The following EPG5 variants were observed in gnomAD, a reference collection of about 807,000 sequenced individuals.
EPG5 encodes ectopic P granules protein 5 homolog.
A neutral mutation model predicts 302.7 loss-of-function variants in EPG5; 159 were observed. The ratio of observed to expected loss-of-function variants is 0.53; its 90% CI spans 0.46 to 0.60. The LOEUF is 0.60. EPG5 is among the 20% of genes least tolerant of loss of function. The pLI, the probability that EPG5 is intolerant of heterozygous loss-of-function variation, is 0.00. For missense variants in EPG5, 2,896 were observed against 3,092.4 expected, an observed-to-expected ratio of 0.94 and a Z score of 1.51; for synonymous variants, 1,158 against 1,136.8, an observed-to-expected ratio of 1.02 and a Z score of -0.37.
At chr18:45,965,137 G>A (rs892921142) in intron 1 of EPG5, among the ~76,000 whole-genome samples, 12 of 151,996 alleles carry the variant, frequency 7.9e-5, no homozygotes, top group African/African-American at 4.8e-5. Context: ...GAACAAAATC[G>A]TGTCCCCTGC....
the EPG5 span, among the ~76,000 whole-genome samples, chr18:45,834,496 G>A: frequency 2.0e-5 from 3 of 152,228 alleles, no homozygotes; most frequent in African/African-American, 4.8e-5. Context: ...CTGTAGGAAA[G>A]ACTCAGTGGA....
In EPG5 at chr18:45,917,807, G is replaced by A. The variant is rs749530881; in HGVS notation, c.3111C>T (p.Phe1037=). The A allele has an allele frequency of 3.1e-6, 5 of 1,614,092 alleles. No homozygotes were observed. The South Asian group carries it at 5.5e-5, about 18-fold the overall frequency. The change falls in exon 17 of 44, where the codon TTC becomes TTT. Residue 1037 remains phenylalanine, a synonymous_variant. Transcript: ENST00000282041. ...CCAATAGTGGGATGCCTTCTGCACAGAACTTCTCAATGCTATGGAAAAAGA... is the reference window on the plus strand; with the variant it reads ...CCAATAGTGGGATGCCTTCTGCACAAAACTTCTCAATGCTATGGAAAAAGA... The part of the protein sequence containing the change: ...MTAVGHSIEK[F]CAEGIPLLGI...
chr18:45,946,821 C>T (rs1372623508), intron 6 of EPG5, 53 bp from the exon 7 acceptor site: 2 of 1,376,766 alleles, frequency 1.5e-6, no homozygotes, highest in Admixed American at 3.4e-5. Context: ...TACGTGAGTG[C>T]ATTGTGGATT....
chr18:45,892,243 TC>T (rs2049368260), intron 27 of EPG5, among the ~76,000 whole-genome samples: 1 of 152,232 alleles, frequency 6.6e-6, no homozygotes, highest in Non-Finnish European at 1.5e-5. Flanking sequence ...TATTTTCTAG[TC>T]TACTTATTTT....
the EPG5 span, among the ~76,000 whole-genome samples, chr18:45,833,358 C>T: frequency 5.3e-5 from 8 of 151,890 alleles, no homozygotes; most frequent in African/African-American, 1.7e-4. Flanking sequence ...GCTCTGTTGC[C>T]CAGGCTGGAG....
chr18:45,892,473 A>T (rs1404179058), intron 27 of EPG5, among the ~76,000 whole-genome samples: 5 of 152,218 alleles, frequency 3.3e-5, no homozygotes, highest in Admixed American at 3.3e-4. Context: ...TCCTTCAGCC[A>T]GTTTTTACAA....
chr18:45,857,261 C>T (rs1407967407), intron 42 of EPG5, among the ~76,000 whole-genome samples: 2 of 152,138 alleles, frequency 1.3e-5, no homozygotes, highest in Non-Finnish European at 2.9e-5. Context: ...AGGCATGTAT[C>T]ACCATGCCCG....
At chr18:45,837,098 TTTA>T in the EPG5 span, 21 of 1,612,624 alleles carry the variant, frequency 1.3e-5, no homozygotes, top group Non-Finnish European at 8.5e-6. Context: ...AGTAAGTGCT[TTTA>T]TTATTATCAC....
At chr18:45,900,664 A>G (rs924934334) in intron 26 of EPG5, among the ~76,000 whole-genome samples, 4 of 152,044 alleles carry the variant, frequency 2.6e-5, no homozygotes, top group African/African-American at 9.7e-5. Flanking sequence ...AAAGAAAGGA[A>G]CTCTTACTTC....
chr18:45,837,703 C>A, the EPG5 span: 4 of 1,479,960 alleles, frequency 2.7e-6, no homozygotes, highest in Non-Finnish European at 3.6e-6. Flanking sequence ...CGCGGGGCAG[C>A]GAGCTCTGCC....
In EPG5 at chr18:45,878,413, A is replaced by C; in HGVS notation, c.5905T>G (p.Phe1969Val). 1.2e-6 allele frequency: 2 copies of C among 1,612,838 alleles called. No individual in the cohort carries two copies. The highest frequency in any genetic ancestry group is 1.7e-6 in the Non-Finnish European group (2 of 1,179,386). Reference protein sequence around the residue: ...KSLHSVIIQLFKPWILVLEDN... With the variant: ...KSLHSVIIQLVKPWILVLEDN... Reference sequence around the variant, plus strand: ...TCTAAAACCAGGATCCATGGCTTAAAGAGCTGAATGATTACTGAATGTAGG... The same window carrying C: ...TCTAAAACCAGGATCCATGGCTTAACGAGCTGAATGATTACTGAATGTAGG... The change falls in exon 34 of 44, where the codon TTT becomes GTT. Residue 1969 changes from phenylalanine (F) to valine (V), a missense_variant. By Grantham distance (50) the Phe-to-Val change is conservative. Coordinates refer to ENST00000282041, the MANE Select transcript of EPG5 (RefSeq NM_020964.3).
At chr18:45,951,997 A>C (rs1242457117) in intron 3 of EPG5, among the ~76,000 whole-genome samples, 1 of 152,262 alleles carries the variant, frequency 6.6e-6, no homozygotes, top group Non-Finnish European at 1.5e-5. Flanking sequence ...TTGGAAAATT[A>C]AACAAAACAG....
chr18:45,899,879 C>A (rs1192379881), intron 26 of EPG5, among the ~76,000 whole-genome samples: 2 of 152,330 alleles, frequency 1.3e-5, no homozygotes, highest in Middle Eastern at 3.4e-3. Flanking sequence ...TCTATCCTAA[C>A]TTCATCACCC....
intron 27 of EPG5, among the ~76,000 whole-genome samples, chr18:45,890,439 C>T (rs2049317456): frequency 6.6e-6 from 1 of 152,058 alleles, no homozygotes; most frequent in African/African-American, 2.4e-5. Context: ...GGGAAATGCC[C>T]AAACCAACTC....
Position 45,951,198 on chromosome 18 carries a change from T to G in EPG5, c.1293A>C (p.Gln431His), listed in dbSNP as rs753444846. The change falls in exon 4 of 44, where the codon CAA becomes CAC. Residue 431 changes from glutamine (Q) to histidine (H), a missense_variant. Gln to His is a conservative substitution (Grantham distance 24). This residue lies in a region of EPG5 where 1,390 missense variants were observed against 1,430.0 expected (regional missense o/e 0.97). Transcript: ENST00000282041. Reference protein sequence around the residue: ...QTESIPSDLCQLKECISVLFM... With the variant: ...QTESIPSDLCHLKECISVLFM... ...ATAAGACACTAATGCATTCCTTTAG[T>G]TGACACAGATCAGAGGGAATGCTTT... 1.3e-6 allele frequency: 2 copies of G among 1,592,794 alleles called. No homozygotes were observed. Among genetic ancestry groups the G allele is most frequent in the South Asian group, 1.2e-5 (1 of 85,540 alleles).
chr18:45,964,928 G>C (rs1377628013), intron 1 of EPG5, among the ~76,000 whole-genome samples: 2 of 152,250 alleles, frequency 1.3e-5, no homozygotes, highest in East Asian at 3.9e-4. Flanking sequence ...ACTCCAGCCT[G>C]GGCAACAAAA....
At chr18:45,837,219 C>A in the EPG5 span, 8 of 1,409,378 alleles carry the variant, frequency 5.7e-6, no homozygotes, top group Non-Finnish European at 7.5e-6. Context: ...GGTCAAGGGG[C>A]CTGCAGGTGA....
In EPG5 at chr18:45,858,218, T is replaced by C. The variant is rs112635488; in HGVS notation, c.7227-150A>G. On this transcript the variant is annotated intron_variant, in intron 41 of 43. Coordinates refer to ENST00000282041, the MANE Select transcript of EPG5 (RefSeq NM_020964.3). ...GCTGATGTTAATAGAGCCATGGGAT[T>C]GTAACCACCGCCATCTGTGGAACAC... 23 of 645,018 alleles carry C rather than the reference T, an allele frequency of 3.6e-5. 2 individuals carry two copies. The highest frequency in any genetic ancestry group is 2.4e-4 in the African/African-American group (13 of 54,818). The allele number at this position is 645,018 out of a possible 1,614,324, so 40.0% of individuals were successfully genotyped here. A position where few individuals can be genotyped will look rare whatever the true frequency, so the allele number is the denominator to read the frequency against.
rs909993678 is a variant in EPG5, at chr18:45,876,336, T to C, written c.5949A>G (p.Gln1983=). ...TCTCTAGCCAGGGGTAATGCCGCTGTTGGCTGCTTTAAAGAAAAGAAGCAC... is the reference window on the plus strand; with the variant it reads ...TCTCTAGCCAGGGGTAATGCCGCTGCTGGCTGCTTTAAAGAAAAGAAGCAC... The part of the protein sequence containing the change: ...ILVLEDNESS[Q]QRHYPWLESD... Residue 1983 remains glutamine, a synonymous_variant, in exon 35 of 44, where the codon CAA becomes CAG. Coordinates refer to ENST00000282041, the MANE Select transcript of EPG5 (RefSeq NM_020964.3). 8.1e-6 allele frequency: 13 copies of C among 1,613,524 alleles called. No individual in the cohort carries two copies. Among genetic ancestry groups the C allele is most frequent in the Non-Finnish European group, 1.0e-5 (12 of 1,179,464 alleles).
Sources: gnomAD v4.1 joint callset for allele counts (sites outside exome capture counted in the v4.1 genomes callset) on GRCh38, gnomAD v4.1.1 for gene constraint, gnomAD v4.1.1 regional missense constraint, MANE v1.5 for transcripts, NCBI Gene and HGNC (gene_info 2026-07-23, HGNC 2026-07-21) for gene names.